GRIK3: variants seen among roughly 807,000 people sequenced by gnomAD.
The protein encoded by GRIK3 is glutamate ionotropic receptor kainate type subunit 3.
GRIK3 carries 29 observed loss-of-function variants against 102.5 expected under a neutral mutation model. That is an observed-to-expected ratio of 0.28 (90% CI 0.21 to 0.39). The LOEUF (loss-of-function observed/expected upper bound fraction) is 0.39, where lower values mean the gene tolerates loss of function less well. Ranked by LOEUF, GRIK3 falls within the 10% of genes least tolerant of loss-of-function variation. GRIK3 has a pLI of 1.00. For synonymous variants in GRIK3, 511 were observed against 504.9 expected (o/e 1.01, Z -0.16); for missense variants, 908 against 1,252.4 (o/e 0.73, Z 4.15).
intron 10 of GRIK3, among the ~76,000 whole-genome samples, chr1:36,839,671 C>T (rs1474298776): frequency 1.3e-5 from 2 of 152,182 alleles, no homozygotes; most frequent in Non-Finnish European, 2.9e-5. Flanking sequence ...TTTACAGATG[C>T]AGAAACTGAG....
At chr1:37,002,511 A>C (rs1557459258) in intron 1 of GRIK3, among the ~76,000 whole-genome samples, 1 of 152,178 alleles carries the variant, frequency 6.6e-6, no homozygotes, top group Non-Finnish European at 1.5e-5. Flanking sequence ...CAAGCTGTGC[A>C]CTTGAACTGC....
intron 10 of GRIK3, among the ~76,000 whole-genome samples, chr1:36,837,150 C>A (rs1445143751): frequency 6.6e-6 from 1 of 152,110 alleles, no homozygotes; most frequent in African/African-American, 2.4e-5. Flanking sequence ...TCTCCCTGAG[C>A]AGCTGTCGTC....
chr1:36,829,114 C>A (rs2124201475), intron 10 of GRIK3, among the ~76,000 whole-genome samples: 1 of 152,338 alleles, frequency 6.6e-6, no homozygotes, highest in Middle Eastern at 3.4e-3. Context: ...CTGGAGTTCT[C>A]CACTGCGTTT....
At chr1:36,871,949 G>C (rs1254885689) in intron 4 of GRIK3, among the ~76,000 whole-genome samples, 1 of 152,160 alleles carries the variant, frequency 6.6e-6, no homozygotes, top group Non-Finnish European at 1.5e-5. Flanking sequence ...TGTCAGGCCG[G>C]GCTGGGCGGA....
chr1:36,823,165 C>T (rs1642713977), intron 11 of GRIK3, among the ~76,000 whole-genome samples: 1 of 152,126 alleles, frequency 6.6e-6, no homozygotes, highest in Admixed American at 6.5e-5. Flanking sequence ...TTGTGCTTGA[C>T]CCTGCCAGTG....
chr1:36,797,055 G>A lies in GRIK3; in HGVS notation c.*4796C>T, dbSNP rs1211999579. On this transcript the variant is annotated 3_prime_UTR_variant, in exon 16 of 16. Coordinates refer to ENST00000373091, the MANE Select transcript of GRIK3 (RefSeq NM_000831.4). ...GGCCCTGGCGGTGCAGGACTCACCT[G>A]GCAGCACCATGTAGCTCTGCCCTCT... 2 of 152,142 alleles carry A rather than the reference G, an allele frequency of 1.3e-5. No homozygotes were observed. Among genetic ancestry groups the A allele is most frequent in the African/African-American group, 4.8e-5 (2 of 41,400 alleles). The allele number at this position is 152,142 out of a possible 1,614,324, so 9.4% of individuals were successfully genotyped here. A position where few individuals can be genotyped will look rare whatever the true frequency, so the allele number is the denominator to read the frequency against.
chr1:36,823,254 ATG>A (rs1557693201), intron 11 of GRIK3, among the ~76,000 whole-genome samples: 1 of 152,068 alleles, frequency 6.6e-6, no homozygotes, highest in Non-Finnish European at 1.5e-5. Context: ...CGGGTGGATC[ATG>A]AGGTCAGGAG....
At chr1:36,927,761 G>A (rs1406076966) in intron 1 of GRIK3, among the ~76,000 whole-genome samples, 3 of 152,174 alleles carry the variant, frequency 2.0e-5, no homozygotes, top group Non-Finnish European at 4.4e-5. Context: ...ACCAAAGGTC[G>A]GTAATAGATT....
At chr1:36,903,510 G>T (rs904626606) in intron 1 of GRIK3, among the ~76,000 whole-genome samples, 4 of 152,238 alleles carry the variant, frequency 2.6e-5, no homozygotes, top group Non-Finnish European at 5.9e-5. Flanking sequence ...ACAAAAGCCT[G>T]CACATGGATG....
rs1180273022 is a variant in GRIK3 at position 36,817,336 on chromosome 1, T to TC, written c.1874-60dup. On this transcript the variant is annotated intron_variant, in intron 12 of 15. Coordinates refer to ENST00000373091, the MANE Select transcript of GRIK3 (RefSeq NM_000831.4). ...AACATCCAGACTAGCGCTGCTCAAG[T>TC]CCCCTGGGTCATGGATTCCTCTGAT... 1.3e-5 allele frequency: 15 copies of TC among 1,140,852 alleles called. No homozygotes were observed. In the East Asian group the frequency reaches 3.3e-4, roughly 25 times the overall value. The allele number at this position is 1,140,852 out of a possible 1,614,324, so 70.7% of individuals were successfully genotyped here. A position where few individuals can be genotyped will look rare whatever the true frequency, so the allele number is the denominator to read the frequency against.
intron 1 of GRIK3, among the ~76,000 whole-genome samples, chr1:37,030,553 C>CT (rs557792873): frequency 7.3e-6 from 1 of 136,316 alleles, no homozygotes; most frequent in African/African-American, 2.8e-5. Context: ...CCCCCTCCCC[C>CT]CCCCCAACAC....
At chr1:36,938,446 G>A (rs1411855459) in intron 1 of GRIK3, among the ~76,000 whole-genome samples, 2 of 152,198 alleles carry the variant, frequency 1.3e-5, no homozygotes, top group Non-Finnish European at 2.9e-5. Context: ...TGCTACTGCC[G>A]GGGAGGGAAC....
chr1:36,977,646 AAC>A (rs2124363632), intron 1 of GRIK3, among the ~76,000 whole-genome samples: 1 of 152,312 alleles, frequency 6.6e-6, no homozygotes, highest in East Asian at 1.9e-4. Flanking sequence ...GACCCAAGGC[AAC>A]AGTTTTCTGG....
At chr1:36,982,732 A>G (rs1642262676) in intron 1 of GRIK3, among the ~76,000 whole-genome samples, 1 of 149,886 alleles carries the variant, frequency 6.7e-6, no homozygotes, top group African/African-American at 2.4e-5. Context: ...CAGCCCAGCG[A>G]CCGGGGTCTT....
chr1:36,851,673 G>C (rs771974522), intron 8 of GRIK3, among the ~76,000 whole-genome samples: 1 of 152,258 alleles, frequency 6.6e-6, no homozygotes, highest in Non-Finnish European at 1.5e-5. Flanking sequence ...GCCTGTGGAG[G>C]CTCTGTGCTC....
intron 1 of GRIK3, among the ~76,000 whole-genome samples, chr1:37,004,984 G>T (rs1179046074): frequency 6.6e-6 from 1 of 152,210 alleles, no homozygotes; most frequent in Admixed American, 6.5e-5. Flanking sequence ...TGTGATGCAG[G>T]GTTCCTGCCT....
At chr1:36,967,337 C>A (rs934903058) in intron 1 of GRIK3, among the ~76,000 whole-genome samples, 1 of 152,240 alleles carries the variant, frequency 6.6e-6, no homozygotes, top group Non-Finnish European at 1.5e-5. Context: ...CACTCTGAAG[C>A]TTTTCTCTGC....
At chr1:36,826,557 A>G (rs1009180616) in intron 10 of GRIK3, among the ~76,000 whole-genome samples, 1 of 152,120 alleles carries the variant, frequency 6.6e-6, no homozygotes, top group African/African-American at 2.4e-5. Flanking sequence ...AGTCCCAGCT[A>G]CTTGGGAGGC....
In GRIK3 at chr1:36,871,093, G is replaced by A. The variant is rs537826591; in HGVS notation, c.732+1095C>T. On this transcript the variant is annotated intron_variant, in intron 4 of 15. Coordinates refer to ENST00000373091, the MANE Select transcript of GRIK3 (RefSeq NM_000831.4). ...AGAAACTCCTGATGTTTTCCTTGTTGCACTGAAGCCTCCATAATGGTATGA... is the reference window on the plus strand; with the variant it reads ...AGAAACTCCTGATGTTTTCCTTGTTACACTGAAGCCTCCATAATGGTATGA... Among the ~76,000 whole-genome samples, 290 of 152,244 alleles carry A rather than the reference G, an allele frequency of 1.9e-3. 1 individual carries two copies. In the Middle Eastern group the frequency reaches 0.024, roughly 12 times the overall value.
Sources: gnomAD v4.1 joint callset for allele counts (sites outside exome capture counted in the v4.1 genomes callset) on GRCh38, gnomAD v4.1.1 for gene constraint, MANE v1.5 for transcripts, NCBI Gene and HGNC (gene_info 2026-07-23, HGNC 2026-07-21) for gene names.